FRMD6: variants seen among roughly 807,000 people sequenced by gnomAD.
The protein encoded by FRMD6 is FERM domain-containing protein 6.
A neutral mutation model predicts 73.2 loss-of-function variants in FRMD6; 37 were observed. The ratio of observed to expected loss-of-function variants is 0.51; its 90% CI spans 0.39 to 0.66. The LOEUF is 0.66. Among genes scored for constraint, FRMD6 ranks in the 30% least tolerant of loss-of-function variants. The pLI, the probability that FRMD6 is intolerant of heterozygous loss-of-function variation, is 0.00. For missense variants in FRMD6, 714 were observed against 780.5 expected, an observed-to-expected ratio of 0.91 and a Z score of 1.02; for synonymous variants, 273 against 282.2, an observed-to-expected ratio of 0.97 and a Z score of 0.33.
At chr14:51,408,244 C>A in the FRMD6 span, among the ~76,000 whole-genome samples, 1 of 151,906 alleles carries the variant, frequency 6.6e-6, no homozygotes, top group Non-Finnish European at 1.5e-5. Context: ...GCAGCCTCTA[C>A]CTCCTCCTAA....
chr14:51,475,838 G>A, the FRMD6 span, among the ~76,000 whole-genome samples: 2 of 152,128 alleles, frequency 1.3e-5, no homozygotes, highest in East Asian at 1.9e-4. Flanking sequence ...AATTTAAGAT[G>A]GAGAAAAGCC....
the FRMD6 span, among the ~76,000 whole-genome samples, chr14:51,439,096 G>A: frequency 2.0e-5 from 3 of 152,214 alleles, no homozygotes; most frequent in South Asian, 4.1e-4. Flanking sequence ...GAAATTAAAT[G>A]CCACTTTTTC....
the FRMD6 span, among the ~76,000 whole-genome samples, chr14:51,476,228 T>C: frequency 1.3e-5 from 2 of 152,180 alleles, no homozygotes; most frequent in Non-Finnish European, 2.9e-5. Context: ...ATGGATGCTA[T>C]GTAATAAAAA....
the FRMD6 span, among the ~76,000 whole-genome samples, chr14:51,451,840 C>G: frequency 6.6e-6 from 1 of 152,344 alleles, no homozygotes; most frequent in Admixed American, 6.5e-5. Context: ...TGCCATTTTT[C>G]CCGTACAACC....
the FRMD6 span, among the ~76,000 whole-genome samples, chr14:51,440,998 CCT>C: frequency 6.6e-6 from 1 of 152,294 alleles, no homozygotes; most frequent in South Asian, 2.1e-4. Flanking sequence ...ACATCTTTGG[CCT>C]CTATGCCTTT....
chr14:51,650,971 CCAG>C (rs2140082963), upstream of FRMD6: 1 of 152,420 alleles, frequency 6.6e-6, no homozygotes, highest in East Asian at 1.9e-4. Context: ...TGTGCGGTTC[CCAG>C]CAGCAGGTCC....
chr14:51,644,401 T>A (rs879689186), intron 2 of FRMD6, among the ~76,000 whole-genome samples: 2,253 of 149,602 alleles, frequency 0.015, 26 homozygotes, highest in Non-Finnish European at 0.027. Flanking sequence ...ACTCACTCTC[T>A]CTCTCTCTCT....
At chr14:51,459,884 C>CT in the FRMD6 span, among the ~76,000 whole-genome samples, 819 of 74,638 alleles carry the variant, frequency 0.011, 36 homozygotes, top group East Asian at 0.026. Flanking sequence ...TACTGACTCT[C>CT]TTTTTTTTTT....
chr14:51,464,268 G>A, the FRMD6 span, among the ~76,000 whole-genome samples: 1 of 152,148 alleles, frequency 6.6e-6, no homozygotes. Flanking sequence ...AGGAAGAAGA[G>A]CTAATGGGTG....
intron 2 of FRMD6, among the ~76,000 whole-genome samples, chr14:51,615,597 G>A (rs1890678945): frequency 1.3e-5 from 2 of 152,144 alleles, no homozygotes; most frequent in Admixed American, 1.3e-4. Flanking sequence ...GTGGAAAATT[G>A]TTTTACATTC....
Position 51,726,644 on chromosome 14 carries a change from A to G in FRMD6, c.1584+774A>G, listed in dbSNP as rs188106681. On this transcript the variant is annotated intron_variant, in intron 13 of 13. Transcript: ENST00000344768. ...ATTTTCCTGAAAACTGCAATGAGTA[A>G]TCTACTCTTAAGAGATGTTTCTGGG... 8.5e-5 allele frequency among the ~76,000 whole-genome samples: 13 copies of G among 152,308 alleles called. No homozygotes were observed. The East Asian group carries it at 1.9e-3, about 23-fold the overall frequency.
chr14:51,436,806 A>G, the FRMD6 span: 1 of 542,080 alleles, frequency 1.8e-6, no homozygotes, highest in Non-Finnish European at 3.3e-6. Flanking sequence ...GAAGGAGAAG[A>G]TGATGATGAA....
chr14:51,588,495 T>C (rs1179069505), intron 2 of FRMD6, among the ~76,000 whole-genome samples: 1 of 152,186 alleles, frequency 6.6e-6, no homozygotes, highest in Non-Finnish European at 1.5e-5. Context: ...TTATAAATTA[T>C]AAATACAAGG....
At chr14:51,402,514 G>T in the FRMD6 span, among the ~76,000 whole-genome samples, 7 of 152,178 alleles carry the variant, frequency 4.6e-5, no homozygotes, top group South Asian at 2.1e-4. Context: ...ATCCACGTAA[G>T]ATATGACTTG....
chr14:51,474,022 A>G, the FRMD6 span, among the ~76,000 whole-genome samples: 3 of 152,058 alleles, frequency 2.0e-5, no homozygotes, highest in African/African-American at 7.2e-5. Flanking sequence ...TACGAAATCT[A>G]TTTGTTACAG....
intron 1 of FRMD6, among the ~76,000 whole-genome samples, chr14:51,518,116 G>A (rs1444882508): frequency 2.0e-5 from 3 of 152,124 alleles, no homozygotes; most frequent in East Asian, 3.8e-4. Flanking sequence ...GACTTCACAC[G>A]GAGTCATGCT....
chr14:51,577,047 G>A (rs1888444261), intron 2 of FRMD6, among the ~76,000 whole-genome samples: 1 of 152,176 alleles, frequency 6.6e-6, no homozygotes, highest in South Asian at 2.1e-4. Context: ...GCCTCCTTTA[G>A]TCATTCTTTC....
intron 2 of FRMD6, among the ~76,000 whole-genome samples, chr14:51,585,528 G>C (rs1252646370): frequency 6.6e-6 from 1 of 152,100 alleles, no homozygotes; most frequent in Non-Finnish European, 1.5e-5. Flanking sequence ...AGACCTGAGA[G>C]GCAGCTGAAC....
the FRMD6 span, among the ~76,000 whole-genome samples, chr14:51,472,781 T>C: frequency 6.6e-6 from 1 of 152,210 alleles, no homozygotes; most frequent in Non-Finnish European, 1.5e-5. Flanking sequence ...CTGGTTCATG[T>C]AAATCTTTGA....
Sources: gnomAD v4.1 joint callset for allele counts (sites outside exome capture counted in the v4.1 genomes callset) on GRCh38, gnomAD v4.1.1 for gene constraint, MANE v1.5 for transcripts, NCBI Gene and HGNC (gene_info 2026-07-23, HGNC 2026-07-21) for gene names.